Variants in POLH observed in about 807,000 individuals in gnomAD.
POLH encodes the protein DNA polymerase eta transcript.
POLH carries 53 observed loss-of-function variants against 73.6 expected under a neutral mutation model. That is an observed-to-expected ratio of 0.72 (90% CI 0.58 to 0.91). The LOEUF (loss-of-function observed/expected upper bound fraction) is 0.91, where lower values mean the gene tolerates loss of function less well. Among genes scored for constraint, POLH ranks in the 40% least tolerant of loss-of-function variants. POLH has a pLI of 0.00. For missense variants in POLH, 768 were observed against 865.4 expected, an observed-to-expected ratio of 0.89 and a Z score of 1.41; for synonymous variants, 292 against 308.5, an observed-to-expected ratio of 0.95 and a Z score of 0.56.
chr6:43,581,696 GGTCGCGGCA>G (rs1764257227), intron 1 of POLH, among the ~76,000 whole-genome samples: 1 of 145,536 alleles, frequency 6.9e-6, no homozygotes, highest in Admixed American at 6.7e-5. Context: ...GGCTGCGGTC[GGTCGCGGCA>G]GCGGCTCCGC....
intron 5 of POLH, 144 bp downstream of exon 5, chr6:43,598,009 TGAA>T (rs1314527350): frequency 5.5e-6 from 4 of 732,988 alleles, no homozygotes; most frequent in Non-Finnish European, 9.5e-6. Context: ...GCCCAGGAGT[TGAA>T]GAGCAGCCTG....
chr6:43,580,801 G>C (rs1224804750), intron 1 of POLH, among the ~76,000 whole-genome samples: 1 of 136,508 alleles, frequency 7.3e-6, no homozygotes, highest in Middle Eastern at 3.5e-3. Context: ...TGGGCGGCTG[G>C]CCGGGCAGAG....
rs533167656 is a variant in POLH at position 43,618,376 on chromosome 6, T to C, written c.*3819T>C. Among the ~76,000 whole-genome samples the C allele has an allele frequency of 5.9e-5, 9 of 152,074 alleles. No individual in the cohort carries two copies. In the South Asian group the frequency reaches 1.9e-3, roughly 32 times the overall value. On this transcript the variant is annotated 3_prime_UTR_variant, in exon 11 of 11. Transcript: ENST00000372236. Reference sequence around the variant, plus strand: ...TCACCATGTTGGCCAGGCTGGTCTCTATCTAGACCTCGTGATCCATCCGCC... The same window carrying C: ...TCACCATGTTGGCCAGGCTGGTCTCCATCTAGACCTCGTGATCCATCCGCC...
intron 5 of POLH, among the ~76,000 whole-genome samples, chr6:43,599,877 G>T (rs1293996891): frequency 6.6e-6 from 1 of 151,836 alleles, no homozygotes; most frequent in Non-Finnish European, 1.5e-5. Context: ...GATTTCTCTT[G>T]GCCGAGTGCG....
At chr6:43,579,170 C>G (rs1200695115) in intron 1 of POLH, among the ~76,000 whole-genome samples, 14 of 152,178 alleles carry the variant, frequency 9.2e-5, no homozygotes. Context: ...TCTCTCTGGC[C>G]TTCTGCCCTC....
intron 10 of POLH, among the ~76,000 whole-genome samples, chr6:43,612,641 C>T (rs1768017984): frequency 6.6e-6 from 1 of 151,962 alleles, no homozygotes; most frequent in African/African-American, 2.4e-5. Flanking sequence ...GCCACTGCAC[C>T]CGGCCAATAG....
intron 3 of POLH, among the ~76,000 whole-genome samples, chr6:43,585,360 A>T (rs1764681246): frequency 6.6e-6 from 1 of 152,170 alleles, no homozygotes; most frequent in Admixed American, 6.5e-5. Flanking sequence ...TGGGTAATCA[A>T]CTTGACCTGC....
chr6:43,613,784 A>G lies in POLH; in HGVS notation c.1369A>G (p.Thr457Ala), dbSNP rs1582324512. Reference sequence around the variant, plus strand: ...AAGTTCTCTGCCAAAGGTGCCAGTTACCAGCTCAGAAGCTAAGACCCAGGG... The same window carrying G: ...AAGTTCTCTGCCAAAGGTGCCAGTTGCCAGCTCAGAAGCTAAGACCCAGGG... ...DPSSLPKVPV[T>A]SSEAKTQGSG... is the part of the protein sequence containing the mutation. The change falls in exon 11 of 11, where the codon ACC becomes GCC. Residue 457 changes from threonine to alanine, a missense_variant. By Grantham distance (58) the Thr-to-Ala change is moderately conservative. Coordinates refer to ENST00000372236, the MANE Select transcript of POLH (RefSeq NM_006502.3). 6.2e-7 allele frequency: 1 copy of G among 1,613,952 alleles called. No homozygotes were observed. Among genetic ancestry groups the G allele is most frequent in the Non-Finnish European group, 8.5e-7 (1 of 1,179,958 alleles).
chr6:43,603,820 A>G (rs1766992576), intron 6 of POLH, 72 bp from the exon 7 acceptor site: 61 of 1,495,582 alleles, frequency 4.1e-5, no homozygotes, highest in Non-Finnish European at 4.7e-5. Flanking sequence ...TACAAAGTAG[A>G]ATGTCTTACG....
chr6:43,616,109 T>C lies in POLH; in HGVS notation c.*1552T>C, dbSNP rs963031147. 1.3e-5 allele frequency among the ~76,000 whole-genome samples: 2 copies of C among 151,526 alleles called. No homozygotes were observed. The highest frequency in any genetic ancestry group is 4.8e-5 in the African/African-American group (2 of 41,332). On this transcript the variant is annotated 3_prime_UTR_variant, in exon 11 of 11. Coordinates refer to ENST00000372236, the MANE Select transcript of POLH (RefSeq NM_006502.3). ...CGAGACCACGGTGAAACCCCGTCTC[T>C]ACTAAAAAATACAAAAAAAAATTAG...
At chr6:43,605,563 C>T (rs1767195139) in intron 9 of POLH, among the ~76,000 whole-genome samples, 1 of 148,756 alleles carries the variant, frequency 6.7e-6, no homozygotes, top group African/African-American at 2.5e-5. Context: ...CTCCTCCCAA[C>T]TCAGCCTCCT....
intron 4 of POLH, among the ~76,000 whole-genome samples, chr6:43,596,762 AAAG>A (rs1361428024): frequency 1.3e-5 from 2 of 151,230 alleles, no homozygotes; most frequent in Admixed American, 6.6e-5. Context: ...GGAGTCAGGA[AAAG>A]TTCTTCTGTA....
Position 43,614,443 on chromosome 6 carries a change from CG to C in POLH, c.2029del (p.Val677TyrfsTer35). ...HSSNPQVVSA[V>X]SHQGKRNPKS... The stretch of plus-strand genomic sequence containing the variant: ...CTTCAAACCCCCAGGTTGTTTCTGC[CG>C]TATCTCATCAAGGCAAAAGAAATCC... On this transcript the variant is annotated frameshift_variant, in exon 11 of 11. Transcript: ENST00000372236. LOFTEE classifies it high-confidence loss of function. The C allele has an allele frequency of 6.2e-7, 1 of 1,614,144 alleles. No individual in the cohort carries two copies. Among genetic ancestry groups the C allele is most frequent in the Non-Finnish European group, 8.5e-7 (1 of 1,180,030 alleles).
chr6:43,596,366 C>T (rs559502462), intron 4 of POLH, among the ~76,000 whole-genome samples: 1 of 152,032 alleles, frequency 6.6e-6, no homozygotes, highest in East Asian at 1.9e-4. Context: ...GCCTGTAGTC[C>T]CAGCTACTCG....
At position 43,605,477 on chromosome 6, in the gene POLH, T is replaced by C. The variant is rs1157070937; in HGVS notation, c.1074+158T>C. 7.3e-6 allele frequency: 4 copies of C among 547,170 alleles called. No individual in the cohort carries two copies. The East Asian group carries it at 9.7e-5, about 13-fold the overall frequency. 33.9% of individuals were successfully genotyped at this position (547,170 alleles called of 1,614,324 possible). Reference sequence around the variant, plus strand: ...TTTTTTTTTTTTTTTTGAGACATGGTCTCACTCTGTCTCCCAGGCTGAGTA... The same window carrying C: ...TTTTTTTTTTTTTTTTGAGACATGGCCTCACTCTGTCTCCCAGGCTGAGTA... On this transcript the variant is annotated intron_variant, in intron 9 of 10. Transcript: ENST00000372236.
intron 4 of POLH, among the ~76,000 whole-genome samples, chr6:43,594,296 G>A (rs1405839010): frequency 1.3e-5 from 2 of 151,988 alleles, no homozygotes; most frequent in Non-Finnish European, 2.9e-5. Context: ...AGTATAAATT[G>A]TTTTAAATGA....
intron 4 of POLH, among the ~76,000 whole-genome samples, chr6:43,593,878 C>CAAAAA (rs768129925): frequency 2.9e-4 from 25 of 84,922 alleles, no homozygotes; most frequent in African/African-American, 4.6e-4. Flanking sequence ...GACTCCGTCT[C>CAAAAA]AAAAAAAAAA....
At position 43,614,525 on chromosome 6, in the gene POLH, T is replaced by C. The variant is rs1412729205; in HGVS notation, c.2110T>C (p.Leu704=). 6.2e-6 allele frequency: 10 copies of C among 1,613,804 alleles called. No homozygotes were observed. In the South Asian group the frequency reaches 7.7e-5, roughly 12 times the overall value. The part of the protein sequence containing the change: ...KRPRPEGMQT[L]ESFFKPLTH ...CCCCAGGCCTGAGGGCATGCAAACA[T>C]TGGAATCATTTTTTAAGCCATTAAC... Residue 704 remains leucine (L), a synonymous_variant, in exon 11 of 11, where the codon TTG becomes CTG. Transcript: ENST00000372236.
Position 43,587,490 on chromosome 6 carries a change from G to A in POLH, c.490+1G>A. On this transcript the variant is annotated splice_donor_variant, in intron 4 of 10. Transcript: ENST00000372236. LOFTEE classifies it high-confidence loss of function. ...ACGGCAGAAGAGACTGTTCAGAAAG[G>A]TACTTCCATAGCATCATACTGCTTC... is the stretch of plus-strand genomic sequence containing the variant. 1.2e-6 allele frequency: 2 copies of A among 1,604,490 alleles called. No individual in the cohort carries two copies. Among genetic ancestry groups the A allele is most frequent in the East Asian group, 2.2e-5 (1 of 44,824 alleles).
Sources: allele counts gnomAD v4.1 joint callset (sites outside exome capture counted in the v4.1 genomes callset), GRCh38; gene constraint gnomAD v4.1.1; transcripts MANE v1.5; gene names NCBI Gene and HGNC (gene_info 2026-07-23, HGNC 2026-07-21).